Variants in GPHN observed in about 807,000 individuals in gnomAD.
GPHN encodes the protein gephyrin.
In GPHN, 17 loss-of-function variants were observed where a neutral mutation model predicts 95.5. That is an observed-to-expected ratio of 0.18 (90% CI 0.12 to 0.27). The LOEUF (loss-of-function observed/expected upper bound fraction) is 0.27. GPHN is among the 10% of genes least tolerant of loss of function. The probability of loss-of-function intolerance (pLI) is 1.00; values close to 1 mark genes in which losing one functional copy is unlikely to be tolerated. For missense variants in GPHN, 660 were observed against 978.1 expected (o/e 0.67, Z 4.34); for synonymous variants, 320 against 322.5 (o/e 0.99, Z 0.08).
At chr14:67,399,502 A>G in the GPHN span, among the ~76,000 whole-genome samples, 1 of 147,096 alleles carries the variant, frequency 6.8e-6, no homozygotes, top group Non-Finnish European at 1.5e-5. Flanking sequence ...TGGCAGGAAT[A>G]GAGAAGGGTC....
intron 2 of GPHN, among the ~76,000 whole-genome samples, chr14:66,734,042 G>A (rs2072036331): frequency 6.6e-6 from 1 of 152,042 alleles, no homozygotes; most frequent in African/African-American, 2.4e-5. Context: ...CCATCACCCT[G>A]GTTTAAGCCA....
chr14:66,641,426 A>G (rs979659901), intron 1 of GPHN, among the ~76,000 whole-genome samples: 1 of 152,198 alleles, frequency 6.6e-6, no homozygotes, highest in Non-Finnish European at 1.5e-5. Flanking sequence ...TAGCCTCATT[A>G]TAAAGTTAGG....
intron 8 of GPHN, among the ~76,000 whole-genome samples, chr14:66,943,655 T>C (rs1343663408): frequency 7.1e-6 from 1 of 141,770 alleles, no homozygotes; most frequent in Non-Finnish European, 1.5e-5. Context: ...ACCACAACTT[T>C]TATCATCCCT....
At chr14:67,164,044 G>A (rs1455467174) in intron 19 of GPHN, among the ~76,000 whole-genome samples, 15 of 151,808 alleles carry the variant, frequency 9.9e-5, no homozygotes, top group African/African-American at 3.4e-4. Flanking sequence ...CGAGGCAGGC[G>A]GATCACCTGA....
At chr14:67,595,373 A>T in the GPHN span, among the ~76,000 whole-genome samples, 1 of 152,344 alleles carries the variant, frequency 6.6e-6, no homozygotes, top group South Asian at 2.1e-4. Context: ...AGTCAAAAAA[A>T]TCCTAAGTCA....
At chr14:67,306,189 C>T in the GPHN span, among the ~76,000 whole-genome samples, 4 of 152,034 alleles carry the variant, frequency 2.6e-5, no homozygotes, top group East Asian at 1.9e-4. Flanking sequence ...ATGCTGGTCT[C>T]GAACTCCTGA....
chr14:66,828,590 C>T (rs965188026), intron 4 of GPHN, among the ~76,000 whole-genome samples: 6 of 151,586 alleles, frequency 4.0e-5, no homozygotes, highest in African/African-American at 9.7e-5. Context: ...GCTTTATAGT[C>T]GATGATTGTC....
chr14:67,024,780 G>A (rs2073839011), intron 10 of GPHN, among the ~76,000 whole-genome samples: 1 of 152,076 alleles, frequency 6.6e-6, no homozygotes, highest in African/African-American at 2.4e-5. Context: ...TTTTATTGGG[G>A]TTGGGTCACA....
chr14:67,720,537 G>A, the GPHN span, among the ~76,000 whole-genome samples: 8 of 152,118 alleles, frequency 5.3e-5, no homozygotes, highest in Non-Finnish European at 1.0e-4. Context: ...TTCCCAGCTG[G>A]ATACCTAGGT....
intron 21 of GPHN, among the ~76,000 whole-genome samples, chr14:67,169,733 A>G (rs1165263968): frequency 6.6e-6 from 1 of 152,268 alleles, no homozygotes; most frequent in Non-Finnish European, 1.5e-5. Context: ...GTAAATTCAA[A>G]TATGGCAGAA....
chr14:66,830,699 A>G (rs2153499056), intron 4 of GPHN, among the ~76,000 whole-genome samples: 2 of 152,202 alleles, frequency 1.3e-5, no homozygotes, highest in South Asian at 4.1e-4. Flanking sequence ...ATACTACAAA[A>G]TGGTACCAAA....
the GPHN span, among the ~76,000 whole-genome samples, chr14:67,543,682 G>A: frequency 6.6e-6 from 1 of 151,970 alleles, no homozygotes; most frequent in South Asian, 2.1e-4. Flanking sequence ...GGGACGAAAA[G>A]GAAGGAAAGG....
the GPHN span, among the ~76,000 whole-genome samples, chr14:67,198,510 T>C: frequency 3.9e-5 from 6 of 152,210 alleles, no homozygotes; most frequent in Admixed American, 1.3e-4. Flanking sequence ...ACTTCAAATG[T>C]CCCCAAAACT....
At chr14:66,588,382 G>T (rs1165142322) in intron 1 of GPHN, among the ~76,000 whole-genome samples, 1 of 152,092 alleles carries the variant, frequency 6.6e-6, no homozygotes, top group Non-Finnish European at 1.5e-5. Context: ...ACTGGAATGA[G>T]AATTAGTTTG....
chr14:67,187,206 T>A, the GPHN span, among the ~76,000 whole-genome samples: 1 of 152,044 alleles, frequency 6.6e-6, no homozygotes, highest in Non-Finnish European at 1.5e-5. Context: ...GTACTGAAAA[T>A]TTAAAAAATA....
At chr14:67,468,918 T>A in the GPHN span, among the ~76,000 whole-genome samples, 1 of 151,146 alleles carries the variant, frequency 6.6e-6, no homozygotes, top group South Asian at 2.1e-4. Flanking sequence ...ATAATTTTTT[T>A]TAAAAAAAAA....
chr14:67,529,889 T>A, the GPHN span, among the ~76,000 whole-genome samples: 1 of 152,150 alleles, frequency 6.6e-6, no homozygotes, highest in Admixed American at 6.5e-5. Flanking sequence ...TTCTCCCCTC[T>A]CTTCCCCTTC....
the GPHN span, among the ~76,000 whole-genome samples, chr14:67,307,648 C>T: frequency 5.9e-5 from 9 of 152,024 alleles, no homozygotes; most frequent in African/African-American, 2.2e-4. Flanking sequence ...AGGAGAAATT[C>T]TAGTGTTGTG....
chr14:66,758,651 T>C (rs1254195666), intron 2 of GPHN, among the ~76,000 whole-genome samples: 3 of 152,154 alleles, frequency 2.0e-5, no homozygotes, highest in East Asian at 1.9e-4. Context: ...CTGGTGGCTG[T>C]AGTTGTACCT....
Sources: gnomAD v4.1 joint callset for allele counts (sites outside exome capture counted in the v4.1 genomes callset) on GRCh38, gnomAD v4.1.1 for gene constraint, MANE v1.5 for transcripts, NCBI Gene and HGNC (gene_info 2026-07-23, HGNC 2026-07-21) for gene names.